Variants in TTBK2 observed in about 807,000 individuals in gnomAD.
The protein encoded by TTBK2 is tau-tubulin kinase 2.
TTBK2 carries 28 observed loss-of-function variants against 110.8 expected under a neutral mutation model. That is an observed-to-expected ratio of 0.25 (90% CI 0.19 to 0.35). TTBK2 has a LOEUF of 0.35. TTBK2 is among the 10% of genes least tolerant of loss of function. The pLI, the probability that TTBK2 is intolerant of heterozygous loss-of-function variation, is 1.00. For synonymous variants in TTBK2, 532 were observed against 527.3 expected (o/e 1.01, Z -0.12); for missense variants, 1,369 against 1,500.3 (o/e 0.91, Z 1.45).
intron 13 of TTBK2, among the ~76,000 whole-genome samples, chr15:42,763,243 CTTACTCTG>C (rs1442519746): frequency 1.4e-5 from 1 of 70,036 alleles, no homozygotes; most frequent in African/African-American, 5.4e-5. Context: ...GAGACAGAGT[CTTACTCTG>C]TCACCCAGGC....
chr15:42,755,514 A>G (rs542097837), intron 13 of TTBK2, among the ~76,000 whole-genome samples: 6 of 151,972 alleles, frequency 3.9e-5, no homozygotes, highest in South Asian at 4.2e-4. Context: ...GAAAAAAAAC[A>G]CCTAACTAAT....
At chr15:42,833,130 A>G (rs916596299) in intron 4 of TTBK2, among the ~76,000 whole-genome samples, 1 of 151,732 alleles carries the variant, frequency 6.6e-6, no homozygotes, top group African/African-American at 2.4e-5. Flanking sequence ...GTAATATTAC[A>G]TACAAAAAAA....
Position 42,752,727 on chromosome 15 carries a change from T to C in TTBK2, c.2519A>G (p.Asn840Ser). 1 of 1,614,214 alleles carries C rather than the reference T, an allele frequency of 6.2e-7. No individual in the cohort carries two copies. The highest frequency in any genetic ancestry group is 8.5e-7 in the Non-Finnish European group (1 of 1,180,046). Residue 840 changes from asparagine (N) to serine (S), a missense_variant, in exon 14 of 15, where the codon AAT becomes AGT. Asn to Ser is a conservative substitution (Grantham distance 46, BLOSUM62 1). This residue lies in a region of TTBK2 where 1,097 missense variants were observed against 1,114.7 expected (regional missense o/e 0.98). Transcript: ENST00000267890. ...TFSVVPNQDK[N>S]NEIMKLLTVG... is the part of the protein sequence containing the mutation. ...TGTCAGAAGCTTCATTATCTCATTA[T>C]TTTTGTCTTGATTTGGCACCACACT...
At chr15:42,889,711 T>C (rs1202219048) in intron 1 of TTBK2, among the ~76,000 whole-genome samples, 1 of 152,126 alleles carries the variant, frequency 6.6e-6, no homozygotes, top group African/African-American at 2.4e-5. Context: ...CAAAACCGCA[T>C]CCAAGCCATC....
intron 3 of TTBK2, among the ~76,000 whole-genome samples, chr15:42,871,060 A>G (rs897035968): frequency 1.2e-4 from 19 of 152,166 alleles, no homozygotes; most frequent in African/African-American, 4.6e-4. Context: ...AGAACGGTCC[A>G]GATTACAAAG....
chr15:42,865,804 C>T (rs1464274651), intron 3 of TTBK2, among the ~76,000 whole-genome samples: 1 of 152,116 alleles, frequency 6.6e-6, no homozygotes, highest in African/African-American at 2.4e-5. Context: ...GCCTGGGTGA[C>T]AGAGTGAGAC....
At chr15:42,779,446 C>A (rs115925195) in intron 11 of TTBK2, among the ~76,000 whole-genome samples, 108 of 149,334 alleles carry the variant, frequency 7.2e-4, no homozygotes, top group African/African-American at 2.5e-3. Flanking sequence ...ACCAAAAAAA[C>A]CCCCGACTTT....
At chr15:42,779,555 G>A (rs1249087870) in intron 11 of TTBK2, among the ~76,000 whole-genome samples, 1 of 152,182 alleles carries the variant, frequency 6.6e-6, no homozygotes, top group Admixed American at 6.5e-5. Flanking sequence ...CAAAAGACAT[G>A]AGGTAAAGGA....
intron 1 of TTBK2, among the ~76,000 whole-genome samples, chr15:42,913,389 C>A (rs1304685407): frequency 3.3e-5 from 5 of 152,050 alleles, no homozygotes; most frequent in Non-Finnish European, 7.4e-5. Flanking sequence ...TCTGTAATCC[C>A]AGCACTTTGG....
chr15:42,786,903 T>C (rs1890435189), intron 10 of TTBK2, among the ~76,000 whole-genome samples: 1 of 152,218 alleles, frequency 6.6e-6, no homozygotes, highest in African/African-American at 2.4e-5. Flanking sequence ...TGTTCAGGAA[T>C]ATGAATGAGT....
chr15:42,789,660 G>A (rs1223410060), intron 10 of TTBK2, among the ~76,000 whole-genome samples: 1 of 152,152 alleles, frequency 6.6e-6, no homozygotes, highest in Non-Finnish European at 1.5e-5. Flanking sequence ...CTTGAATCCA[G>A]GAGGCGGAGG....
chr15:42,890,014 T>C (rs1156712993), intron 1 of TTBK2, among the ~76,000 whole-genome samples: 1 of 152,196 alleles, frequency 6.6e-6, no homozygotes, highest in Non-Finnish European at 1.5e-5. Context: ...CCTGCACGTA[T>C]ATATCCAGAT....
chr15:42,803,332 G>T (rs1207144182), intron 9 of TTBK2, among the ~76,000 whole-genome samples: 2 of 152,162 alleles, frequency 1.3e-5, no homozygotes, highest in Non-Finnish European at 2.9e-5. Context: ...TATAGAAAAG[G>T]TATAGTAAAA....
intron 3 of TTBK2, chr15:42,857,486 C>A (rs1893988743): frequency 1.3e-5 from 2 of 151,852 alleles, no homozygotes; most frequent in African/African-American, 2.4e-5. Context: ...TGCCACTGTA[C>A]TCCAGCCTAA....
intron 4 of TTBK2, among the ~76,000 whole-genome samples, chr15:42,832,948 G>A (rs755073741): frequency 1.7e-4 from 26 of 152,046 alleles, no homozygotes; most frequent in Non-Finnish European, 2.6e-4. Context: ...ATAAATAATA[G>A]TACAGTCATC....
chr15:42,884,633 C>A (rs145938839), intron 1 of TTBK2, among the ~76,000 whole-genome samples: 107 of 152,324 alleles, frequency 7.0e-4, no homozygotes, highest in Admixed American at 2.5e-3. Flanking sequence ...GCCCCACTCA[C>A]AAGCTCTGGG....
At chr15:42,746,388 C>T in intron 14 of TTBK2, 131 bp from the exon 15 acceptor site, 1 of 704,308 alleles carries the variant, frequency 1.4e-6, no homozygotes, top group South Asian at 1.9e-5. Flanking sequence ...CAGGGTTACT[C>T]TGTCATATAC....
Position 42,826,868 on chromosome 15 carries a change from A to G in TTBK2, c.537+1060T>C, listed in dbSNP as rs181028333. 3.3e-5 allele frequency among the ~76,000 whole-genome samples: 5 copies of G among 152,312 alleles called. No individual in the cohort carries two copies. The East Asian group carries it at 9.7e-4, about 29-fold the overall frequency. On this transcript the variant is annotated intron_variant, in intron 6 of 14. Coordinates refer to ENST00000267890, the MANE Select transcript of TTBK2 (RefSeq NM_173500.4). ...AGAGGTTGTGGTAAAGGGAACTGGGAGGAAATTCACTGAACATACAGCTTA... is the reference window on the plus strand; with the variant it reads ...AGAGGTTGTGGTAAAGGGAACTGGGGGGAAATTCACTGAACATACAGCTTA...
At chr15:42,775,747 C>T (rs768222270) in intron 12 of TTBK2, 24 bp from the exon 13 acceptor site, 6 of 1,577,062 alleles carry the variant, frequency 3.8e-6, no homozygotes, top group South Asian at 3.3e-5. Flanking sequence ...AAAGAAGTTA[C>T]TCAACTGTCC....
Sources: allele counts gnomAD v4.1 joint callset (sites outside exome capture counted in the v4.1 genomes callset), GRCh38; gene constraint gnomAD v4.1.1; regional missense constraint gnomAD v4.1.1; transcripts MANE v1.5; gene names NCBI Gene and HGNC (gene_info 2026-07-23, HGNC 2026-07-21).